The following SLC9A9 variants were observed in gnomAD, a reference collection of about 807,000 sequenced individuals.
SLC9A9 encodes the protein sodium/hydrogen exchanger 9.
A neutral mutation model predicts 77.8 loss-of-function variants in SLC9A9; 62 were observed. The ratio of observed to expected loss-of-function variants is 0.80; its 90% CI spans 0.65 to 0.98. SLC9A9 has a LOEUF of 0.98. Among genes scored for constraint, SLC9A9 ranks in the 50% least tolerant of loss-of-function variants. SLC9A9 has a pLI of 0.00. For missense variants in SLC9A9, 775 were observed against 774.9 expected, an observed-to-expected ratio of 1.00 and a Z score of 0.00; for synonymous variants, 320 against 283.5, an observed-to-expected ratio of 1.13 and a Z score of -1.29.
At chr3:143,738,750 A>G (rs1935003209) in intron 4 of SLC9A9, among the ~76,000 whole-genome samples, 2 of 152,214 alleles carry the variant, frequency 1.3e-5, no homozygotes, top group African/African-American at 4.8e-5. Context: ...CCCACTTTTC[A>G]GATCAAACAT....
rs189501490 is a variant in SLC9A9, at chr3:143,493,145, T to G, written c.1315+508A>C. 4.7e-4 allele frequency among the ~76,000 whole-genome samples: 72 copies of G among 152,346 alleles called. 2 individuals carry two copies. The highest frequency in any genetic ancestry group is 1.9e-3 in the Admixed American group (29 of 15,306). Reference sequence around the variant, plus strand: ...AGGCACCTGGTGAGTGCTCAATTAATATTCGTTTTCTCAACTAACAACTGA... The same window carrying G: ...AGGCACCTGGTGAGTGCTCAATTAAGATTCGTTTTCTCAACTAACAACTGA... On this transcript the variant is annotated intron_variant, in intron 11 of 15. Transcript: ENST00000316549.
chr3:143,268,906 G>A lies in SLC9A9; in HGVS notation c.1679C>T (p.Ser560Phe), dbSNP rs960327504. ...GGCTTGAGGACTGGTAAGCAGCCTG[G>A]AAATCGGACCACACCATTCAGGTAA... is the stretch of plus-strand genomic sequence containing the variant. The part of the protein sequence containing the change: ...TTLPEWCGPI[S>F]RLLTSPQAYG... Residue 560 changes from serine (S) to phenylalanine (F), a missense_variant, in exon 15 of 16, where the codon TCC becomes TTC. Ser to Phe is a radical substitution (Grantham distance 155, BLOSUM62 -2). Transcript: ENST00000316549. 8 of 1,613,740 alleles carry A rather than the reference G, an allele frequency of 5.0e-6. No homozygotes were observed. The African/African-American group carries it at 5.3e-5, about 11-fold the overall frequency.
chr3:143,496,681 A>C (rs1385274799), intron 9 of SLC9A9, among the ~76,000 whole-genome samples: 1 of 152,212 alleles, frequency 6.6e-6, no homozygotes, highest in Non-Finnish European at 1.5e-5. Context: ...CTGTCACCAA[A>C]ATAACCAGAG....
chr3:143,370,548 C>T (rs2033030093), intron 13 of SLC9A9, among the ~76,000 whole-genome samples: 1 of 136,946 alleles, frequency 7.3e-6, no homozygotes, highest in African/African-American at 2.8e-5. Context: ...TACATGTACA[C>T]AAGTATATGC....
intron 12 of SLC9A9, among the ~76,000 whole-genome samples, chr3:143,458,306 C>A (rs1422204309): frequency 6.6e-6 from 1 of 152,022 alleles, no homozygotes; most frequent in African/African-American, 2.4e-5. Context: ...TTACACTTAA[C>A]CTATCTATAT....
At chr3:143,754,206 C>T (rs1255783651) in intron 4 of SLC9A9, among the ~76,000 whole-genome samples, 6 of 152,188 alleles carry the variant, frequency 3.9e-5, no homozygotes, top group Non-Finnish European at 8.8e-5. Flanking sequence ...TATAGCAAAA[C>T]ATAACCATGG....
chr3:143,538,131 CCAGT>C (rs1292446503), intron 9 of SLC9A9, among the ~76,000 whole-genome samples: 1 of 152,172 alleles, frequency 6.6e-6, no homozygotes, highest in Non-Finnish European at 1.5e-5. Context: ...ATTCTACAGG[CCAGT>C]ATATCCAAGT....
chr3:143,831,886 G>A (rs767090346), intron 2 of SLC9A9, 133 bp downstream of exon 2: 20 of 777,982 alleles, frequency 2.6e-5, no homozygotes, highest in African/African-American at 1.2e-4. Flanking sequence ...GTCAATTAAC[G>A]TCTCCAAAAG....
Position 143,699,465 on chromosome 3 carries a change from A to G in SLC9A9, c.534-6158T>C, listed in dbSNP as rs144410795. On this transcript the variant is annotated intron_variant, in intron 4 of 15. Transcript: ENST00000316549. ...GAAATGCCAATGCCACTCCTCCTCC[A>G]TCTCCTGGCAGCAGCAGTGTAGCAT... Among the ~76,000 whole-genome samples, 6 of 152,314 alleles carry G rather than the reference A, an allele frequency of 3.9e-5. No homozygotes were observed. In the East Asian group the frequency reaches 1.2e-3, roughly 29 times the overall value.
chr3:143,306,733 A>G (rs2030801635), intron 14 of SLC9A9, among the ~76,000 whole-genome samples: 1 of 152,100 alleles, frequency 6.6e-6, no homozygotes, highest in African/African-American at 2.4e-5. Context: ...CATTCTCCAC[A>G]TTTCAGTCAG....
At chr3:143,547,089 C>T (rs561494571) in intron 9 of SLC9A9, among the ~76,000 whole-genome samples, 25 of 152,272 alleles carry the variant, frequency 1.6e-4, no homozygotes, top group East Asian at 5.8e-4. Flanking sequence ...ACTTCTAGGA[C>T]GCCATACTTT....
At chr3:143,575,546 A>C (rs1287052481) in intron 7 of SLC9A9, among the ~76,000 whole-genome samples, 2 of 152,184 alleles carry the variant, frequency 1.3e-5, no homozygotes, top group African/African-American at 2.4e-5. Context: ...TGGGAAATAG[A>C]ATCAGTAAGG....
chr3:143,547,866 A>G (rs540791354), intron 9 of SLC9A9, among the ~76,000 whole-genome samples: 1 of 152,164 alleles, frequency 6.6e-6, no homozygotes, highest in South Asian at 2.1e-4. Flanking sequence ...TACTTTGCTT[A>G]TTTATTTTGA....
rs1935252564 is a variant in SLC9A9, at chr3:143,748,514, G to A, written c.533+46487C>T. On this transcript the variant is annotated intron_variant, in intron 4 of 15. Transcript: ENST00000316549. ...GAAAATTCCCCTCACTAAATGTCTG[G>A]CTGCTGCTCTGACCATCCAGCAAAT... 2.6e-5 allele frequency among the ~76,000 whole-genome samples: 4 copies of A among 151,960 alleles called. No individual in the cohort carries two copies. The South Asian group carries it at 8.3e-4, about 32-fold the overall frequency.
At chr3:143,699,050 A>G (rs1212234756) in intron 4 of SLC9A9, among the ~76,000 whole-genome samples, 2 of 152,120 alleles carry the variant, frequency 1.3e-5, no homozygotes, top group East Asian at 3.9e-4. Context: ...TCAATTTCAC[A>G]TTTTCTTTTT....
At chr3:143,410,405 G>C (rs1398751413) in intron 12 of SLC9A9, among the ~76,000 whole-genome samples, 1 of 152,094 alleles carries the variant, frequency 6.6e-6, no homozygotes, top group East Asian at 1.9e-4. Flanking sequence ...CTCAAACTTA[G>C]TCTTTCTTCT....
intron 12 of SLC9A9, among the ~76,000 whole-genome samples, chr3:143,417,884 A>G (rs930578885): frequency 6.6e-6 from 1 of 151,954 alleles, no homozygotes; most frequent in Non-Finnish European, 1.5e-5. Context: ...AGAGCCTCTA[A>G]GGAGTATCAG....
chr3:143,531,048 C>A (rs1052713222), intron 9 of SLC9A9, among the ~76,000 whole-genome samples: 9 of 152,158 alleles, frequency 5.9e-5, no homozygotes, highest in Non-Finnish European at 1.3e-4. Context: ...TCATTATGAG[C>A]CACAAACATT....
chr3:143,740,194 T>C (rs930928748), intron 4 of SLC9A9, among the ~76,000 whole-genome samples: 1 of 152,222 alleles, frequency 6.6e-6, no homozygotes, highest in South Asian at 2.1e-4. Context: ...TAAAACTGTA[T>C]GAGACTAAAG....
Sources: allele counts gnomAD v4.1 joint callset (sites outside exome capture counted in the v4.1 genomes callset), GRCh38; gene constraint gnomAD v4.1.1; transcripts MANE v1.5; gene names NCBI Gene and HGNC (gene_info 2026-07-23, HGNC 2026-07-21).